Variants in AP3B1 observed in about 807,000 individuals in gnomAD.
AP3B1 encodes the protein AP-3 complex subunit beta-1.
A neutral mutation model predicts 132.5 loss-of-function variants in AP3B1; 61 were observed. The ratio of observed to expected loss-of-function variants is 0.46; its 90% CI spans 0.37 to 0.57. The LOEUF (loss-of-function observed/expected upper bound fraction) is 0.57, where lower values mean the gene tolerates loss of function less well. Ranked by LOEUF, AP3B1 falls within the 20% of genes least tolerant of loss-of-function variation. The probability of loss-of-function intolerance (pLI) is 0.00; values close to 1 mark genes in which losing one functional copy is unlikely to be tolerated. For missense variants in AP3B1, 1,120 were observed against 1,289.4 expected (o/e 0.87, Z 2.01); for synonymous variants, 388 against 438.3 (o/e 0.89, Z 1.43).
intron 11 of AP3B1, among the ~76,000 whole-genome samples, chr5:78,168,571 A>G (rs545464856): frequency 5.7e-4 from 87 of 152,306 alleles, no homozygotes; most frequent in African/African-American, 2.1e-3. Context: ...AGCTACACGT[A>G]TAGTACAAAG....
intron 2 of AP3B1, among the ~76,000 whole-genome samples, chr5:78,255,857 T>G (rs1747825534): frequency 6.6e-6 from 1 of 152,102 alleles, no homozygotes; most frequent in Non-Finnish European, 1.5e-5. Flanking sequence ...AAACAAGTCT[T>G]AAAAGCGTTC....
intron 6 of AP3B1, among the ~76,000 whole-genome samples, chr5:78,216,658 GAAC>G (rs949953429): frequency 1.1e-4 from 16 of 152,204 alleles, no homozygotes; most frequent in African/African-American, 3.9e-4. Flanking sequence ...TTTAAAATGA[GAAC>G]GACAATCATT....
chr5:78,249,293 G>A (rs763075387), intron 2 of AP3B1, among the ~76,000 whole-genome samples: 18 of 152,050 alleles, frequency 1.2e-4, no homozygotes, highest in Non-Finnish European at 2.5e-4. Context: ...TGAACCCCAG[G>A]GGCAGAGGTT....
intron 22 of AP3B1, among the ~76,000 whole-genome samples, chr5:78,054,825 A>C (rs1580289374): frequency 6.6e-6 from 1 of 152,280 alleles, no homozygotes; most frequent in East Asian, 1.9e-4. Context: ...CAAATTGGAA[A>C]GGGAATTTTA....
intron 3 of AP3B1, among the ~76,000 whole-genome samples, chr5:78,229,627 T>C (rs866319162): frequency 5.2e-4 from 78 of 150,588 alleles, no homozygotes; most frequent in African/African-American, 1.8e-3. Context: ...TAGTCCCAGC[T>C]ACCTGGGAGG....
intron 22 of AP3B1, among the ~76,000 whole-genome samples, chr5:78,071,987 GTCAGGTCACATA>G (rs1419591370): frequency 6.6e-6 from 1 of 152,104 alleles, no homozygotes; most frequent in Admixed American, 6.5e-5. Context: ...AAGATATTTT[GTCAGGTCACATA>G]TTCTATGAAG....
chr5:78,142,555 T>C (rs986277617), intron 14 of AP3B1, among the ~76,000 whole-genome samples: 1 of 152,162 alleles, frequency 6.6e-6, no homozygotes, highest in Admixed American at 6.6e-5. Context: ...AATAAGGACC[T>C]TTCCATAGCT....
chr5:78,292,090 T>C (rs1749548941), intron 1 of AP3B1, among the ~76,000 whole-genome samples: 1 of 152,216 alleles, frequency 6.6e-6, no homozygotes, highest in South Asian at 2.1e-4. Context: ...CTCTGTGTCA[T>C]TGTTGCAACT....
chr5:78,030,927 G>A (rs1030296914), intron 24 of AP3B1, among the ~76,000 whole-genome samples: 3 of 152,050 alleles, frequency 2.0e-5, no homozygotes, highest in Admixed American at 6.6e-5. Flanking sequence ...CAATTCTCCC[G>A]CTTTGGCCTC....
rs1421804659 is a variant in AP3B1 at position 78,003,026 on chromosome 5, G to A, written c.3161C>T (p.Ser1054Leu). ...CAGTTCCACTGTGACTAGCATCAAT[G>A]ACCCACTGTGCACAGTTTTAGCTGC... ...RFAAKTVHSG[S>L]LMLVTVELKE... The change falls in exon 27 of 27, where the codon TCA becomes TTA. Residue 1054 changes from serine (S) to leucine (L), a missense_variant. Physicochemically the swap from Ser to Leu is moderately radical, Grantham distance 145 (BLOSUM62 -2). Coordinates refer to ENST00000255194, the MANE Select transcript of AP3B1 (RefSeq NM_003664.5). 1.2e-6 allele frequency: 2 copies of A among 1,614,162 alleles called. No individual in the cohort carries two copies. The highest frequency in any genetic ancestry group is 1.7e-5 in the Admixed American group (1 of 60,026).
chr5:78,131,281 T>C (rs1752676738), intron 15 of AP3B1, among the ~76,000 whole-genome samples: 1 of 151,904 alleles, frequency 6.6e-6, no homozygotes, highest in Non-Finnish European at 1.5e-5. Flanking sequence ...AAAATTGCAA[T>C]CTTTTTCCAA....
intron 21 of AP3B1, among the ~76,000 whole-genome samples, chr5:78,092,406 T>G (rs1750560540): frequency 6.6e-6 from 1 of 152,218 alleles, no homozygotes; most frequent in Admixed American, 6.5e-5. Context: ...AAGCTTACCC[T>G]AAAGTGAATT....
intron 2 of AP3B1, among the ~76,000 whole-genome samples, chr5:78,256,830 T>A (rs1392972112): frequency 6.6e-6 from 1 of 152,172 alleles, no homozygotes; most frequent in Admixed American, 6.5e-5. Flanking sequence ...CATGACCAAG[T>A]GGGATTTATC....
chr5:78,052,950 T>A (rs981159272), intron 22 of AP3B1, among the ~76,000 whole-genome samples: 2 of 152,214 alleles, frequency 1.3e-5, no homozygotes, highest in African/African-American at 4.8e-5. Flanking sequence ...ACAGACTGAA[T>A]TTGACTTGTA....
intron 7 of AP3B1, among the ~76,000 whole-genome samples, chr5:78,193,758 A>ATC: frequency 8.7e-6 from 1 of 114,796 alleles, no homozygotes; most frequent in Admixed American, 1.1e-4. Context: ...ATATATATAT[A>ATC]TATATATATA....
At chr5:78,210,982 C>T (rs973700678) in intron 7 of AP3B1, among the ~76,000 whole-genome samples, 1 of 151,850 alleles carries the variant, frequency 6.6e-6, no homozygotes, top group African/African-American at 2.4e-5. Flanking sequence ...CAAACTTGAC[C>T]TAGAATAAAA....
At chr5:78,202,322 A>G (rs1745326638) in intron 7 of AP3B1, among the ~76,000 whole-genome samples, 2 of 152,034 alleles carry the variant, frequency 1.3e-5, no homozygotes, top group Admixed American at 1.3e-4. Flanking sequence ...ATCCTATATA[A>G]ATTCTGAGAT....
At chr5:78,029,871 C>A (rs1747498530) in intron 24 of AP3B1, among the ~76,000 whole-genome samples, 1 of 152,018 alleles carries the variant, frequency 6.6e-6, no homozygotes, top group Non-Finnish European at 1.5e-5. Context: ...CATCACATTT[C>A]TATTATTTTA....
chr5:78,081,569 T>G (rs922122370), intron 22 of AP3B1, among the ~76,000 whole-genome samples: 96 of 152,196 alleles, frequency 6.3e-4, no homozygotes, highest in African/African-American at 2.3e-3. Flanking sequence ...AGTGCCAGGA[T>G]TACAGGCGTG....
Sources: allele counts gnomAD v4.1 joint callset (sites outside exome capture counted in the v4.1 genomes callset), GRCh38; gene constraint gnomAD v4.1.1; transcripts MANE v1.5; gene names NCBI Gene and HGNC (gene_info 2026-07-23, HGNC 2026-07-21).